The following GABRB1 variants were observed in gnomAD, a reference collection of about 807,000 sequenced individuals.
GABRB1 encodes gamma-aminobutyric acid receptor subunit beta-1.
In GABRB1, 17 loss-of-function variants were observed where a neutral mutation model predicts 51.6. The ratio of observed to expected loss-of-function variants is 0.33; its 90% CI spans 0.23 to 0.49. GABRB1 has a LOEUF of 0.49. Ranked by LOEUF, GABRB1 falls within the 20% of genes least tolerant of loss-of-function variation. GABRB1 has a pLI of 0.99. For synonymous variants in GABRB1, 247 were observed against 218.9 expected, an observed-to-expected ratio of 1.13 and a Z score of -1.14; for missense variants, 410 against 600.6, an observed-to-expected ratio of 0.68 and a Z score of 3.32.
chr4:47,302,361 T>C (rs1291783266), intron 4 of GABRB1, among the ~76,000 whole-genome samples: 1 of 152,078 alleles, frequency 6.6e-6, no homozygotes, highest in African/African-American at 2.4e-5. Flanking sequence ...ATGTTATTTT[T>C]ACTTATTTTT....
At chr4:47,192,592 T>C (rs576301943) in intron 4 of GABRB1, among the ~76,000 whole-genome samples, 16 of 152,206 alleles carry the variant, frequency 1.1e-4, no homozygotes, top group Admixed American at 2.0e-4. Flanking sequence ...TATTCATTTA[T>C]AAATAAATGT....
Position 47,300,025 on chromosome 4 carries a change from G to A in GABRB1, c.462-20102G>A, listed in dbSNP as rs201215559. On this transcript the variant is annotated intron_variant, in intron 4 of 8. Coordinates refer to ENST00000295454, the MANE Select transcript of GABRB1 (RefSeq NM_000812.4). ...AAACACCACATGTTCTCACTCATAG[G>A]TGGGAATTGAACAATGAGAACACAT... Among the ~76,000 whole-genome samples, 49 of 146,596 alleles carry A rather than the reference G, an allele frequency of 3.3e-4. No homozygotes were observed. In the East Asian group the frequency reaches 6.6e-3, roughly 20 times the overall value.
chr4:47,066,638 T>C (rs1486341883), intron 3 of GABRB1, among the ~76,000 whole-genome samples: 2 of 152,218 alleles, frequency 1.3e-5, no homozygotes, highest in African/African-American at 4.8e-5. Context: ...TCCTCATCCA[T>C]CCAAGTTTTA....
intron 3 of GABRB1, among the ~76,000 whole-genome samples, chr4:47,144,954 C>G (rs996486960): frequency 6.6e-6 from 1 of 151,770 alleles, no homozygotes; most frequent in African/African-American, 2.4e-5. Context: ...AAGTAACAAA[C>G]TGTAAAATAA....
intron 5 of GABRB1, among the ~76,000 whole-genome samples, chr4:47,394,472 G>GCACTT (rs1560366596): frequency 4.7e-4 from 1 of 2,140 alleles, no homozygotes; most frequent in Non-Finnish European, 6.7e-4. Context: ...GAAGTGTGAG[G>GCACTT]CACGAGAACC....
chr4:47,362,710 C>A (rs1046397218), intron 5 of GABRB1, among the ~76,000 whole-genome samples: 2 of 152,192 alleles, frequency 1.3e-5, no homozygotes, highest in East Asian at 1.9e-4. Context: ...GTAAAAGGAA[C>A]AATCTTTTAA....
intron 8 of GABRB1, among the ~76,000 whole-genome samples, chr4:47,423,171 GA>G (rs1729144682): frequency 1.3e-5 from 2 of 151,798 alleles, no homozygotes; most frequent in South Asian, 4.1e-4. Flanking sequence ...GTCAGATCTG[GA>G]CACAGATATG....
intron 1 of GABRB1, among the ~76,000 whole-genome samples, chr4:47,020,873 A>G (rs1724912775): frequency 6.6e-6 from 1 of 151,996 alleles, no homozygotes; most frequent in South Asian, 2.1e-4. Flanking sequence ...CAACTCTCTG[A>G]CTCACCTCCT....
chr4:47,387,639 C>T (rs974131465), intron 5 of GABRB1, among the ~76,000 whole-genome samples: 2 of 152,182 alleles, frequency 1.3e-5, no homozygotes, highest in Non-Finnish European at 2.9e-5. Context: ...ACTTGTGCTG[C>T]TTTAATGGAA....
chr4:47,404,551 T>TC (rs1728506666), intron 7 of GABRB1, among the ~76,000 whole-genome samples: 1 of 151,186 alleles, frequency 6.6e-6, no homozygotes, highest in Admixed American at 6.6e-5. Context: ...TAAACTAACA[T>TC]ATTTCATCTC....
intron 5 of GABRB1, among the ~76,000 whole-genome samples, chr4:47,401,823 GCTATCTATCTATCTATCAT>G (rs1043032278): frequency 2.4e-4 from 9 of 36,976 alleles, no homozygotes; most frequent in Non-Finnish European, 3.5e-4. Context: ...TATCTATCTA[GCTATCTATCTATCTATCAT>G]CTATCTATCT....
At chr4:47,100,189 A>G (rs969251592) in intron 3 of GABRB1, among the ~76,000 whole-genome samples, 1 of 134,040 alleles carries the variant, frequency 7.5e-6, no homozygotes, top group Non-Finnish European at 1.7e-5. Context: ...ATATTTCTAG[A>G]AGAAATCTTA....
intron 4 of GABRB1, among the ~76,000 whole-genome samples, chr4:47,198,353 G>C (rs1043376275): frequency 1.3e-5 from 2 of 152,154 alleles, no homozygotes; most frequent in African/African-American, 4.8e-5. Context: ...ATGTGGCTTT[G>C]TAAATGGATA....
intron 5 of GABRB1, among the ~76,000 whole-genome samples, chr4:47,398,876 C>T (rs1487206246): frequency 1.3e-5 from 2 of 152,110 alleles, no homozygotes; most frequent in African/African-American, 4.8e-5. Flanking sequence ...CTGCAAGCTC[C>T]GCCTCCCGGG....
chr4:47,218,738 C>A (rs1683276859), intron 4 of GABRB1, among the ~76,000 whole-genome samples: 2 of 151,728 alleles, frequency 1.3e-5, no homozygotes, highest in Admixed American at 1.3e-4. Flanking sequence ...TCTCTCTTTT[C>A]TCCGCATTCC....
chr4:47,248,979 T>A (rs188218887), intron 4 of GABRB1, among the ~76,000 whole-genome samples: 6 of 152,124 alleles, frequency 3.9e-5, no homozygotes, highest in Admixed American at 3.9e-4. Flanking sequence ...ATTCATCTTT[T>A]GTATTTTGTT....
chr4:47,034,861 A>G (rs988830065), intron 3 of GABRB1, among the ~76,000 whole-genome samples: 2 of 152,216 alleles, frequency 1.3e-5, no homozygotes, highest in South Asian at 2.1e-4. Flanking sequence ...TAAATAGGGT[A>G]GGAAGTCCAT....
Position 47,072,303 on chromosome 4 carries a change from A to G in GABRB1, c.240+39819A>G, listed in dbSNP as rs369972720. 3.3e-5 allele frequency among the ~76,000 whole-genome samples: 5 copies of G among 152,302 alleles called. No homozygotes were observed. In the South Asian group the frequency reaches 6.2e-4, roughly 19 times the overall value. ...CCATAGAGATTACACATGGATTACA[A>G]TTCTGGAATGTACATTGTTGAGGGT... is the stretch of plus-strand genomic sequence containing the variant. On this transcript the variant is annotated intron_variant, in intron 3 of 8. Coordinates refer to ENST00000295454, the MANE Select transcript of GABRB1 (RefSeq NM_000812.4).
chr4:47,293,116 T>G (rs1334653341), intron 4 of GABRB1, among the ~76,000 whole-genome samples: 1 of 151,774 alleles, frequency 6.6e-6, no homozygotes, highest in Non-Finnish European at 1.5e-5. Flanking sequence ...CACATAGTTT[T>G]GTTGTTGTTG....
Sources: gnomAD v4.1 joint callset for allele counts (sites outside exome capture counted in the v4.1 genomes callset) on GRCh38, gnomAD v4.1.1 for gene constraint, MANE v1.5 for transcripts, NCBI Gene and HGNC (gene_info 2026-07-23, HGNC 2026-07-21) for gene names.